DLG1: variants seen among roughly 807,000 people sequenced by gnomAD.
DLG1 encodes the protein discs large MAGUK scaffold protein 1.
A neutral mutation model predicts 123.4 loss-of-function variants in DLG1; 42 were observed. That is an observed-to-expected ratio of 0.34 (90% CI 0.27 to 0.44). DLG1 has a LOEUF of 0.44. Ranked by LOEUF, DLG1 falls within the 20% of genes least tolerant of loss-of-function variation. The pLI is 1.00. For synonymous variants in DLG1, 317 were observed against 356.2 expected (o/e 0.89, Z 1.24); for missense variants, 942 against 1,082.6 (o/e 0.87, Z 1.82).
At chr3:197,271,422 C>T (rs1268974619) in intron 4 of DLG1, among the ~76,000 whole-genome samples, 1 of 152,166 alleles carries the variant, frequency 6.6e-6, no homozygotes, top group Non-Finnish European at 1.5e-5. Flanking sequence ...TTTCCCCTTC[C>T]TATACTATCT....
At chr3:197,268,566 T>C (rs1222121494) in intron 4 of DLG1, among the ~76,000 whole-genome samples, 1 of 151,846 alleles carries the variant, frequency 6.6e-6, no homozygotes, top group Non-Finnish European at 1.5e-5. Context: ...ACTACAGGCA[T>C]GAAGGCACCA....
intron 5 of DLG1, chr3:197,183,457 T>A (rs568972700): frequency 1.7e-5 from 16 of 918,560 alleles, no homozygotes; most frequent in Non-Finnish European, 2.6e-5. Flanking sequence ...AACATACATT[T>A]CTACACATCC....
chr3:197,251,786 C>T (rs1481561811), intron 4 of DLG1, among the ~76,000 whole-genome samples: 1 of 152,090 alleles, frequency 6.6e-6, no homozygotes, highest in African/African-American at 2.4e-5. Flanking sequence ...GGATTAATAA[C>T]CAGGATATAT....
At chr3:197,283,860 T>G (rs967855614) in intron 3 of DLG1, among the ~76,000 whole-genome samples, 3 of 24,502 alleles carry the variant, frequency 1.2e-4, no homozygotes, top group Non-Finnish European at 1.9e-4. Flanking sequence ...AGTTGGGTTG[T>G]TTTTTTTTTT....
chr3:197,200,309 C>T lies in DLG1; in HGVS notation c.319-5720G>A, dbSNP rs187808267. 7.2e-3 allele frequency among the ~76,000 whole-genome samples: 1,097 copies of T among 152,176 alleles called. 9 individuals carry two copies. Among genetic ancestry groups the T allele is most frequent in the African/African-American group, 0.024 (981 of 41,526 alleles). ...TATCTCCCTATCTACCCCTCAAATA[C>T]TTATTATTTCAGTAGTAAATTTAAA... On this transcript the variant is annotated intron_variant, in intron 4 of 24. Coordinates refer to ENST00000667157, the MANE Select transcript of DLG1 (RefSeq NM_001366207.1).
chr3:197,051,210 C>T (rs1727398139), intron 24 of DLG1, among the ~76,000 whole-genome samples: 1 of 152,120 alleles, frequency 6.6e-6, no homozygotes, highest in Non-Finnish European at 1.5e-5. Context: ...CCCATCTCTA[C>T]TAAAAATACA....
rs185959072 is a variant in DLG1 at position 197,099,374 on chromosome 3, G to C, written c.1546+5529C>G. ...TTCTTAAATTTTTATTTTGACGGAA[G>C]AGTTTCATCCCTTTTTTCAGTTAAG... On this transcript the variant is annotated intron_variant, in intron 14 of 24. Coordinates refer to ENST00000667157, the MANE Select transcript of DLG1 (RefSeq NM_001366207.1). Among the ~76,000 whole-genome samples the C allele has an allele frequency of 2.0e-5, 3 of 152,272 alleles. No individual in the cohort carries two copies. In the East Asian group the frequency reaches 5.8e-4, roughly 29 times the overall value.
chr3:197,096,575 G>A (rs1174988914), intron 14 of DLG1, among the ~76,000 whole-genome samples: 1 of 152,164 alleles, frequency 6.6e-6, no homozygotes, highest in Non-Finnish European at 1.5e-5. Flanking sequence ...AATTGATCAA[G>A]TTGTAGAAAG....
intron 5 of DLG1, among the ~76,000 whole-genome samples, chr3:197,192,751 G>A (rs1335465373): frequency 1.3e-5 from 2 of 152,088 alleles, no homozygotes; most frequent in African/African-American, 4.8e-5. Flanking sequence ...GAGGGGTAAG[G>A]GTGGTGGCAA....
intron 3 of DLG1, among the ~76,000 whole-genome samples, chr3:197,294,606 G>A (rs1431831027): frequency 2.0e-5 from 3 of 149,844 alleles, no homozygotes; most frequent in Non-Finnish European, 3.0e-5. Context: ...TGCAGTGAGC[G>A]GAGATCTCGC....
At chr3:197,257,659 C>T (rs1006005583) in intron 4 of DLG1, among the ~76,000 whole-genome samples, 8 of 152,088 alleles carry the variant, frequency 5.3e-5, no homozygotes, top group Non-Finnish European at 1.2e-4. Flanking sequence ...AAGACATGAT[C>T]CTATTACAAG....
intron 4 of DLG1, among the ~76,000 whole-genome samples, chr3:197,228,149 CAATT>C (rs1157046408): frequency 3.3e-5 from 5 of 152,314 alleles, no homozygotes; most frequent in Admixed American, 1.3e-4. Flanking sequence ...TTATCTATAA[CAATT>C]TATTTATCCA....
chr3:197,044,598 A>G lies in DLG1; in HGVS notation c.*25T>C. The G allele has an allele frequency of 6.6e-7, 1 of 1,522,652 alleles. No individual in the cohort carries two copies. The highest frequency in any genetic ancestry group is 1.1e-5 in the South Asian group (1 of 87,120). The allele number at this position is 1,522,652 out of a possible 1,614,324, so 94.3% of individuals were successfully genotyped here. On this transcript the variant is annotated 3_prime_UTR_variant, in exon 25 of 25. Coordinates refer to ENST00000667157, the MANE Select transcript of DLG1 (RefSeq NM_001366207.1). ...TGCCAAAGAAAATGGAATTGTGGAAAAGAGAAACAGAGAAACATGAGTTTT... is the reference window on the plus strand; with the variant it reads ...TGCCAAAGAAAATGGAATTGTGGAAGAGAGAAACAGAGAAACATGAGTTTT...
chr3:197,092,358 G>A (rs1253903345), intron 14 of DLG1, among the ~76,000 whole-genome samples: 3 of 152,124 alleles, frequency 2.0e-5, no homozygotes, highest in African/African-American at 4.8e-5. Flanking sequence ...CCGGCATAAT[G>A]ACTTACTTGT....
intron 23 of DLG1, among the ~76,000 whole-genome samples, chr3:197,051,900 G>A (rs1728064689): frequency 1.4e-5 from 2 of 143,050 alleles, no homozygotes; most frequent in South Asian, 4.4e-4. Flanking sequence ...GGAGTGCAGT[G>A]GCACGATCTC....
At chr3:197,250,301 G>A (rs752707314) in intron 4 of DLG1, among the ~76,000 whole-genome samples, 119 of 152,280 alleles carry the variant, frequency 7.8e-4, no homozygotes, top group African/African-American at 2.7e-3. Context: ...CGGGCACGGC[G>A]GCTCATGCCT....
intron 3 of DLG1, among the ~76,000 whole-genome samples, chr3:197,294,834 G>A (rs969960969): frequency 6.6e-5 from 10 of 152,112 alleles, no homozygotes; most frequent in Admixed American, 2.0e-4. Context: ...TTTCACTAAC[G>A]ATTTAATTTT....
intron 13 of DLG1, 31 bp downstream of exon 13, chr3:197,115,896 C>T: frequency 1.3e-6 from 2 of 1,599,854 alleles, no homozygotes; most frequent in South Asian, 1.2e-5. Flanking sequence ...GTGAAAATAA[C>T]AAAAACGTGA....
chr3:197,074,535 T>A (rs1214835003), intron 18 of DLG1, among the ~76,000 whole-genome samples: 1 of 152,048 alleles, frequency 6.6e-6, no homozygotes, highest in East Asian at 1.9e-4. Flanking sequence ...CATTTGTTGA[T>A]CCATACCACC....
Sources: gnomAD v4.1 joint callset for allele counts (sites outside exome capture counted in the v4.1 genomes callset) on GRCh38, gnomAD v4.1.1 for gene constraint, MANE v1.5 for transcripts, NCBI Gene and HGNC (gene_info 2026-07-23, HGNC 2026-07-21) for gene names.